Variants in SIK3 observed in about 807,000 individuals in gnomAD.
The protein encoded by SIK3 is serine/threonine-protein kinase SIK3.
In SIK3, 28 loss-of-function variants were observed where a neutral mutation model predicts 144.2. The ratio of observed to expected loss-of-function variants is 0.19; its 90% CI spans 0.14 to 0.27. SIK3 has a LOEUF of 0.27. Ranked by LOEUF, SIK3 falls within the 10% of genes least tolerant of loss-of-function variation. SIK3 has a pLI of 1.00. For synonymous variants in SIK3, 686 were observed against 676.3 expected, an observed-to-expected ratio of 1.01 and a Z score of -0.22; for missense variants, 1,319 against 1,776.0, an observed-to-expected ratio of 0.74 and a Z score of 4.62.
intron 21 of SIK3, 74 bp downstream of exon 21, chr11:116,857,735 GA>G: frequency 1.3e-6 from 2 of 1,531,412 alleles, no homozygotes; most frequent in Non-Finnish European, 1.8e-6. Flanking sequence ...AATACTAGCT[GA>G]AAAAAGATAA....
chr11:116,971,194 T>C (rs1949754014), intron 1 of SIK3, among the ~76,000 whole-genome samples: 1 of 152,220 alleles, frequency 6.6e-6, no homozygotes, highest in South Asian at 2.1e-4. Context: ...AATATTGACA[T>C]TAATTTCCAT....
chr11:117,092,463 C>A (rs964181412), intron 1 of SIK3, among the ~76,000 whole-genome samples: 1 of 152,128 alleles, frequency 6.6e-6, no homozygotes, highest in Non-Finnish European at 1.5e-5. Flanking sequence ...GGCAGCAGCC[C>A]CCCCCAGGGA....
intron 1 of SIK3, among the ~76,000 whole-genome samples, chr11:117,060,163 C>T (rs765104841): frequency 2.6e-5 from 4 of 152,018 alleles, no homozygotes; most frequent in Non-Finnish European, 5.9e-5. Context: ...AATATTAGTG[C>T]TAAAAACAAT....
chr11:117,043,537 A>G (rs1298147453), intron 1 of SIK3, among the ~76,000 whole-genome samples: 1 of 152,314 alleles, frequency 6.6e-6, no homozygotes, highest in African/African-American at 2.4e-5. Flanking sequence ...TCTAGATGAC[A>G]TATTCATAGG....
At chr11:117,092,009 C>A (rs1955269299) in intron 1 of SIK3, among the ~76,000 whole-genome samples, 1 of 152,152 alleles carries the variant, frequency 6.6e-6, no homozygotes, top group Non-Finnish European at 1.5e-5. Flanking sequence ...TCTTGAACTC[C>A]TGGCCTCAAG....
rs534175998 is a variant in SIK3 at position 117,096,624 on chromosome 11, G to C, written c.273+1519C>G. On this transcript the variant is annotated intron_variant, in intron 1 of 24. Coordinates refer to ENST00000445177, the MANE Select transcript of SIK3 (RefSeq NM_001366686.3). ...CTGACCTGCAGACTGGAGGCCCTGTGATAAAAACGGACAAAAAGGCTGAAG... is the reference window on the plus strand; with the variant it reads ...CTGACCTGCAGACTGGAGGCCCTGTCATAAAAACGGACAAAAAGGCTGAAG... 5.9e-5 allele frequency among the ~76,000 whole-genome samples: 9 copies of C among 152,140 alleles called. No individual in the cohort carries two copies. The South Asian group carries it at 1.7e-3, about 28-fold the overall frequency.
At chr11:116,987,321 T>TAAAAAAA (rs35342917) in intron 1 of SIK3, among the ~76,000 whole-genome samples, 1 of 137,272 alleles carries the variant, frequency 7.3e-6, no homozygotes, top group Non-Finnish European at 1.6e-5. Context: ...CATAAAAGAT[T>TAAAAAAA]AAAAAAAAAA....
intron 1 of SIK3, among the ~76,000 whole-genome samples, chr11:116,961,066 AT>A (rs1170624432): frequency 6.6e-6 from 1 of 152,248 alleles, no homozygotes; most frequent in Non-Finnish European, 1.5e-5. Flanking sequence ...TGGAAAAAAA[AT>A]AAACGCATTC....
Position 116,927,607 on chromosome 11 carries a change from A to G in SIK3, c.455-227T>C, listed in dbSNP as rs796718722. 1.5e-4 allele frequency among the ~76,000 whole-genome samples: 23 copies of G among 152,360 alleles called. 1 individual carries two copies. The highest frequency in any genetic ancestry group is 5.5e-4 in the African/African-American group (23 of 41,580). ...ATCCTGTTATACAAAAGTATGCATA[A>G]GAACACACTTGTACTTTCATTAGGA... On this transcript the variant is annotated intron_variant, in intron 3 of 24. Transcript: ENST00000445177.
Position 116,873,547 on chromosome 11 carries a change from G to C in SIK3, c.1671C>G (p.Ile557Met). Residue 557 changes from isoleucine (I) to methionine (M), a missense_variant, in exon 13 of 25, where the codon ATC becomes ATG. Around this residue, in one of 8 missense-constraint regions of SIK3, gnomAD observed 167 missense variants for 263.3 expected, o/e 0.63. Coordinates refer to ENST00000445177, the MANE Select transcript of SIK3 (RefSeq NM_001366686.3). The stretch of plus-strand genomic sequence containing the variant: ...TCAGCAGCTGCTGGGCATGCAGTTG[G>C]ATGTTGGCTCCTCCATCTGATGCCC... The part of the protein sequence containing the change: ...GRRASDGGAN[I>M]QLHAQQLLKR... 2 of 1,613,052 alleles carry C rather than the reference G, an allele frequency of 1.2e-6. No individual in the cohort carries two copies. Among genetic ancestry groups the C allele is most frequent in the Non-Finnish European group, 1.7e-6 (2 of 1,179,622 alleles).
rs535783996 is a variant in SIK3 at position 116,875,151 on chromosome 11, T to C, written c.1427+7A>G. On this transcript the variant is annotated splice_region_variant and intron_variant, in intron 11 of 24. Coordinates refer to ENST00000445177, the MANE Select transcript of SIK3 (RefSeq NM_001366686.3). ...GTGTTAGTGAGGGCTGTTGGCCGGA[T>C]ACTCACCGTGGGTCAGCCACACCCA... is the stretch of plus-strand genomic sequence containing the variant. 8 of 1,611,442 alleles carry C rather than the reference T, an allele frequency of 5.0e-6. No homozygotes were observed. In the African/African-American group the frequency reaches 9.3e-5, roughly 19 times the overall value.
Position 116,875,291 on chromosome 11 carries a change from G to A in SIK3, c.1318-24C>T, listed in dbSNP as rs779277540. 5.6e-6 allele frequency: 9 copies of A among 1,612,666 alleles called. No homozygotes were observed. The African/African-American group carries it at 1.1e-4, about 19-fold the overall frequency. ...GGCTGAGGTGGAGGGAAACACCATC[G>A]AGTTAGAAATCAGAAGGAAGGGAAG... is the stretch of plus-strand genomic sequence containing the variant. On this transcript the variant is annotated intron_variant, in intron 10 of 24. Coordinates refer to ENST00000445177, the MANE Select transcript of SIK3 (RefSeq NM_001366686.3).
At chr11:117,058,224 T>C (rs998203315) in intron 1 of SIK3, among the ~76,000 whole-genome samples, 1 of 152,004 alleles carries the variant, frequency 6.6e-6, no homozygotes, top group Non-Finnish European at 1.5e-5. Flanking sequence ...CTGTTAAACT[T>C]AAGAATTTTA....
chr11:116,979,486 T>C (rs1044076553), intron 1 of SIK3, among the ~76,000 whole-genome samples: 1 of 152,150 alleles, frequency 6.6e-6, no homozygotes, highest in Non-Finnish European at 1.5e-5. Flanking sequence ...CTATAACATA[T>C]ATGCAAAAAT....
At chr11:116,857,702 T>G in intron 21 of SIK3, 108 bp downstream of exon 21, 1 of 1,461,744 alleles carries the variant, frequency 6.8e-7, no homozygotes, top group South Asian at 1.5e-5. Flanking sequence ...AGCTCAGAAA[T>G]TCTTTTTTTC....
rs768321551 is a variant in SIK3 at position 116,875,982 on chromosome 11, A to G, written c.1123T>C (p.Tyr375His). 6.2e-7 allele frequency: 1 copy of G among 1,613,622 alleles called. No individual in the cohort carries two copies. The highest frequency in any genetic ancestry group is 1.1e-5 in the South Asian group (1 of 91,042). The change falls in exon 9 of 25, where the codon TAT becomes CAT. Residue 375 changes from tyrosine to histidine, a missense_variant. By Grantham distance (83) the Tyr-to-His change is moderately conservative (BLOSUM62 2). Transcript: ENST00000445177. ...CACAGCAGGCTGTAGATTGCACTAT[A>G]GTGATCATAGGCATCTGATCTTAAT... ...QSLRSDAYDH[Y>H]SAIYSLLCDR...
intron 1 of SIK3, among the ~76,000 whole-genome samples, chr11:117,006,645 AAAAG>A (rs975602289): frequency 1.8e-4 from 28 of 152,054 alleles, no homozygotes; most frequent in African/African-American, 2.9e-4. Flanking sequence ...GTTTAAAAAA[AAAAG>A]AAAGAAAGAA....
intron 1 of SIK3, among the ~76,000 whole-genome samples, chr11:117,053,095 T>C (rs548611409): frequency 6.6e-6 from 1 of 152,192 alleles, no homozygotes; most frequent in East Asian, 1.9e-4. Flanking sequence ...CCCCAGCACT[T>C]TGGGAGGCCG....
chr11:117,077,870 T>C (rs1954619616), intron 1 of SIK3, among the ~76,000 whole-genome samples: 1 of 152,164 alleles, frequency 6.6e-6, no homozygotes. Context: ...GGGTGGAGAC[T>C]AAGGGTCCCA....
Sources: allele counts gnomAD v4.1 joint callset (sites outside exome capture counted in the v4.1 genomes callset), GRCh38; gene constraint gnomAD v4.1.1; regional missense constraint gnomAD v4.1.1; transcripts MANE v1.5; gene names NCBI Gene and HGNC (gene_info 2026-07-23, HGNC 2026-07-21).